COLEC12: variants seen among roughly 807,000 people sequenced by gnomAD.
COLEC12 encodes collectin subfamily member 12.
In COLEC12, 33 loss-of-function variants were observed where a neutral mutation model predicts 71.1. That is an observed-to-expected ratio of 0.46 (90% CI 0.35 to 0.62). The LOEUF (loss-of-function observed/expected upper bound fraction) is 0.62, where lower values mean the gene tolerates loss of function less well. COLEC12 is among the 20% of genes least tolerant of loss of function. COLEC12 has a pLI of 0.00. For missense variants in COLEC12, 765 were observed against 916.1 expected, an observed-to-expected ratio of 0.84 and a Z score of 2.13; for synonymous variants, 350 against 353.0, an observed-to-expected ratio of 0.99 and a Z score of 0.10.
At chr18:447,899 G>C (rs146827004) in intron 2 of COLEC12, among the ~76,000 whole-genome samples, 1 of 152,056 alleles carries the variant, frequency 6.6e-6, no homozygotes, top group African/African-American at 2.4e-5. Flanking sequence ...CTTTGGTAGC[G>C]GTCAATCACT....
chr18:460,605 C>T (rs1365522303), intron 2 of COLEC12, among the ~76,000 whole-genome samples: 2 of 152,154 alleles, frequency 1.3e-5, no homozygotes, highest in African/African-American at 4.8e-5. Context: ...TATGTTATGC[C>T]TTCAATATAG....
chr18:494,193 C>T (rs955721639), intron 1 of COLEC12, among the ~76,000 whole-genome samples: 1 of 152,170 alleles, frequency 6.6e-6, no homozygotes, highest in African/African-American at 2.4e-5. Flanking sequence ...TGGAGCACAA[C>T]TCACTCCTTC....
At chr18:329,134 C>T (rs1206447112) in intron 8 of COLEC12, among the ~76,000 whole-genome samples, 3 of 152,130 alleles carry the variant, frequency 2.0e-5, no homozygotes, top group Middle Eastern at 3.2e-3. Flanking sequence ...TCCTGGGTAC[C>T]AAGCGGGTGC....
chr18:483,733 G>A (rs1917467951), intron 1 of COLEC12, among the ~76,000 whole-genome samples: 1 of 152,216 alleles, frequency 6.6e-6, no homozygotes, highest in African/African-American at 2.4e-5. Flanking sequence ...AATGCTTGAT[G>A]TGGTAATCTG....
intron 5 of COLEC12, among the ~76,000 whole-genome samples, chr18:337,734 G>C (rs1914150541): frequency 6.6e-6 from 1 of 152,052 alleles, no homozygotes. Flanking sequence ...GCTAGTGAAG[G>C]GTCCATTTTC....
chr18:406,927 G>T (rs1915802905), intron 2 of COLEC12, among the ~76,000 whole-genome samples: 1 of 152,276 alleles, frequency 6.6e-6, no homozygotes, highest in South Asian at 2.1e-4. Flanking sequence ...ATGTGAGTTT[G>T]CAGTAGGCAG....
At chr18:425,725 G>A (rs990040180) in intron 2 of COLEC12, among the ~76,000 whole-genome samples, 1 of 152,188 alleles carries the variant, frequency 6.6e-6, no homozygotes, top group Non-Finnish European at 1.5e-5. Flanking sequence ...GAATATTGGA[G>A]AAGTGCTTTT....
At chr18:335,319 A>C (rs1914094300) in intron 5 of COLEC12, 89 bp from the exon 6 acceptor site, 1 of 1,382,198 alleles carries the variant, frequency 7.2e-7, no homozygotes, top group African/African-American at 1.5e-5. Context: ...TCTCCAAATT[A>C]AAAAAACCTA....
chr18:402,226 T>A (rs1468774904), intron 2 of COLEC12, among the ~76,000 whole-genome samples: 1 of 152,180 alleles, frequency 6.6e-6, no homozygotes, highest in East Asian at 1.9e-4. Context: ...CTGGGGTTTA[T>A]ATACCCTCTA....
chr18:461,811 A>G (rs1373573926), intron 2 of COLEC12, among the ~76,000 whole-genome samples: 6 of 152,162 alleles, frequency 3.9e-5, no homozygotes, highest in African/African-American at 1.4e-4. Flanking sequence ...GCCTGTGACT[A>G]CCATACTAGC....
rs772611064 is a variant in COLEC12 at position 347,023 on chromosome 18, T to C, written c.599A>G (p.Asn200Ser). 1.9e-6 allele frequency: 3 copies of C among 1,614,200 alleles called. No homozygotes were observed. The highest frequency in any genetic ancestry group is 4.5e-5 in the East Asian group (2 of 44,882). ...GTTGTTGAGGTTCATGATGACCACATTATGAGAATACATTTGGTTCTGCAG... is the reference window on the plus strand; with the variant it reads ...GTTGTTGAGGTTCATGATGACCACACTATGAGAATACATTTGGTTCTGCAG... Reference protein sequence around the residue: ...GNLQNQMYSHNVVIMNLNNLN... With the variant: ...GNLQNQMYSHSVVIMNLNNLN... Residue 200 changes from asparagine (N) to serine (S), a missense_variant, in exon 5 of 10, where the codon AAT (asparagine) becomes AGT (serine). Coordinates refer to ENST00000400256, the MANE Select transcript of COLEC12 (RefSeq NM_130386.3).
intron 2 of COLEC12, among the ~76,000 whole-genome samples, chr18:434,981 C>T (rs2143682327): frequency 6.6e-6 from 1 of 152,306 alleles, no homozygotes; most frequent in East Asian, 1.9e-4. Flanking sequence ...GAATATGCAT[C>T]CTTTCAGCCT....
rs565085069 is a variant in COLEC12, at chr18:418,974, C to T, written c.59-61452G>A. Among the ~76,000 whole-genome samples, 17 of 152,286 alleles carry T rather than the reference C, an allele frequency of 1.1e-4. No individual in the cohort carries two copies. In the South Asian group the frequency reaches 3.3e-3, roughly 30 times the overall value. ...TGTCTTGGGGTCTGGATCAGGACCCCTTTCCTTTAACACCTCTGCCCCCAT... is the reference window on the plus strand; with the variant it reads ...TGTCTTGGGGTCTGGATCAGGACCCTTTTCCTTTAACACCTCTGCCCCCAT... On this transcript the variant is annotated intron_variant, in intron 2 of 9. Coordinates refer to ENST00000400256, the MANE Select transcript of COLEC12 (RefSeq NM_130386.3).
chr18:334,505 G>A, intron 6 of COLEC12: 1 of 347,364 alleles, frequency 2.9e-6, no homozygotes. Flanking sequence ...GCACACGCTT[G>A]TAGTCCCAGC....
At chr18:407,363 C>T (rs564094535) in intron 2 of COLEC12, among the ~76,000 whole-genome samples, 80 of 152,224 alleles carry the variant, frequency 5.3e-4, no homozygotes, top group Non-Finnish European at 4.6e-4. Flanking sequence ...CATGCAGTTA[C>T]GAAGCCTGGT....
chr18:455,286 T>C (rs2143721834), intron 2 of COLEC12, among the ~76,000 whole-genome samples: 1 of 150,390 alleles, frequency 6.6e-6, no homozygotes, highest in African/African-American at 2.4e-5. Context: ...CGCTTTTTTT[T>C]TTTTTTTTTG....
At chr18:355,852 C>T (rs560782345) in intron 3 of COLEC12, among the ~76,000 whole-genome samples, 1 of 152,316 alleles carries the variant, frequency 6.6e-6, no homozygotes, top group Non-Finnish European at 1.5e-5. Context: ...CCCACCTCTG[C>T]CCAGCGCTAA....
chr18:387,969 A>T (rs1383808501), intron 2 of COLEC12, among the ~76,000 whole-genome samples: 1 of 139,258 alleles, frequency 7.2e-6, no homozygotes, highest in African/African-American at 2.7e-5. Flanking sequence ...AAATTAATGC[A>T]TGGGGAAGGG....
chr18:426,221 G>A (rs1916195696), intron 2 of COLEC12, among the ~76,000 whole-genome samples: 1 of 152,172 alleles, frequency 6.6e-6, no homozygotes, highest in African/African-American at 2.4e-5. Context: ...ATGTAATTAA[G>A]AAACGAGCAA....
Sources: allele counts gnomAD v4.1 joint callset (sites outside exome capture counted in the v4.1 genomes callset), GRCh38; gene constraint gnomAD v4.1.1; transcripts MANE v1.5; gene names NCBI Gene and HGNC (gene_info 2026-07-23, HGNC 2026-07-21).